The following ABR variants were observed in gnomAD, a reference collection of about 807,000 sequenced individuals.
ABR encodes the protein active breakpoint cluster region-related protein.
A neutral mutation model predicts 107.2 loss-of-function variants in ABR; 35 were observed. The observed-to-expected ratio is 0.33, with a 90% CI of 0.25 to 0.43. The LOEUF is 0.43. ABR is among the 20% of genes least tolerant of loss of function. The pLI is 1.00. For synonymous variants in ABR, 498 were observed against 462.0 expected (o/e 1.08, Z -1.00); for missense variants, 815 against 1,115.2 (o/e 0.73, Z 3.83).
At chr17:1,180,479 G>A (rs2042098610), upstream of ABR, among the ~76,000 whole-genome samples, 3 of 152,108 alleles carry the variant, frequency 2.0e-5, no homozygotes, top group Non-Finnish European at 2.9e-5. Context: ...ACCTCTGAGC[G>A]CGGCCGTTCC....
At chr17:1,059,486 GAGACACCTGCTTAA>G (rs1247788844) in intron 10 of ABR, among the ~76,000 whole-genome samples, 1 of 152,186 alleles carries the variant, frequency 6.6e-6, no homozygotes, top group African/African-American at 2.4e-5. Flanking sequence ...GGGTACAACA[GAGACACCTGCTTAA>G]AGAAACCTCA....
In ABR at chr17:1,010,466, A is replaced by C. The variant is rs2070435141; in HGVS notation, c.2236+263T>G. 2.0e-6 allele frequency: 1 copy of C among 493,400 alleles called. No homozygotes were observed. The highest frequency in any genetic ancestry group is 5.5e-4 in the Middle Eastern group (1 of 1,826). The allele number at this position is 493,400 out of a possible 1,614,324, so 30.6% of individuals were successfully genotyped here. On this transcript the variant is annotated intron_variant, in intron 20 of 22. Coordinates refer to ENST00000302538, the MANE Select transcript of ABR (RefSeq NM_021962.5). This position sits in a 1 kb window ranked among gnomAD's most constrained non-coding sequence, Gnocchi z 4.1. ...CTGGATGCTCGAGCTTCCAAGCAAG[A>C]GGCCAACGTCCAAATAGGAAGCAGA... is the stretch of plus-strand genomic sequence containing the variant.
chr17:1,012,134 C>CCACCG, intron 18 of ABR, 149 bp from the exon 19 acceptor site: 1 of 1,215,910 alleles, frequency 8.2e-7, no homozygotes, highest in East Asian at 2.5e-5. Context: ...GAGAAAGAGG[C>CCACCG]CACCGCACCC....
upstream of ABR, among the ~76,000 whole-genome samples, chr17:1,190,415 C>G (rs1381832795): frequency 1.3e-5 from 2 of 152,180 alleles, no homozygotes; most frequent in Non-Finnish European, 2.9e-5. Flanking sequence ...GGGTGGATCA[C>G]CTGAGGTCAG....
chr17:1,223,425 G>C (rs2043156100), intron 1 of ABR, among the ~76,000 whole-genome samples: 1 of 152,022 alleles, frequency 6.6e-6, no homozygotes, highest in African/African-American at 2.4e-5. Context: ...TCCTGAGAGG[G>C]AAGTACTAAT....
chr17:1,030,372 T>C (rs1297678549), intron 16 of ABR, among the ~76,000 whole-genome samples: 1 of 152,224 alleles, frequency 6.6e-6, no homozygotes, highest in Non-Finnish European at 1.5e-5. Flanking sequence ...TGGTGAGCTC[T>C]GGGCTGGTGC....
At chr17:1,095,686 A>G (rs2257670) in intron 3 of ABR, among the ~76,000 whole-genome samples, 116,982 of 151,806 alleles carry the variant, frequency 0.77, 45,090 homozygotes, top group South Asian at 0.84. Context: ...TGGCTCCCAT[A>G]CCAGCTGCTT....
chr17:1,016,013 C>G (rs760510332), intron 16 of ABR, among the ~76,000 whole-genome samples: 11 of 152,120 alleles, frequency 7.2e-5, no homozygotes, highest in South Asian at 2.1e-4. Context: ...AATGTAGGAC[C>G]ATGTCTCTAA....
At chr17:1,219,189 C>T (rs1309130703) in intron 1 of ABR, among the ~76,000 whole-genome samples, 1 of 152,010 alleles carries the variant, frequency 6.6e-6, no homozygotes, top group Non-Finnish European at 1.5e-5. Context: ...ATTACAGGTG[C>T]CTGCCACCAC....
rs749474399 is a variant in ABR, at chr17:1,050,513, G to A, written c.1659+24C>T. The A allele has an allele frequency of 3.7e-6, 6 of 1,606,012 alleles. No individual in the cohort carries two copies. In the African/African-American group the frequency reaches 5.4e-5, roughly 14 times the overall value. On this transcript the variant is annotated intron_variant, in intron 15 of 22. Coordinates refer to ENST00000302538, the MANE Select transcript of ABR (RefSeq NM_021962.5). The surrounding 1 kb of genome is among the most constrained non-coding windows in gnomAD (Gnocchi z 4.6). ...AGCACGGGGTGGTGGGGTCCCCACA[G>A]AGATGCCAGCCCCTGCCACTCACCT...
At chr17:1,132,403 G>T (rs2039886700) in intron 1 of ABR, among the ~76,000 whole-genome samples, 1 of 135,586 alleles carries the variant, frequency 7.4e-6, no homozygotes, top group Admixed American at 7.9e-5. Flanking sequence ...TTTTGAGATG[G>T]AGTCTCGCTC....
chr17:1,083,856 G>C (rs2036424101), intron 4 of ABR: 2 of 512,360 alleles, frequency 3.9e-6, no homozygotes, highest in South Asian at 4.2e-5. Flanking sequence ...GGGGGTCTGG[G>C]GTTGGGGAGA....
At chr17:1,159,719 A>G (rs994861349) in intron 1 of ABR, among the ~76,000 whole-genome samples, 7 of 150,262 alleles carry the variant, frequency 4.7e-5, no homozygotes, top group African/African-American at 1.5e-4. Flanking sequence ...CTCACGCACA[A>G]GGGAAGTATG....
chr17:1,111,955 C>G (rs1181941734), intron 2 of ABR, among the ~76,000 whole-genome samples: 2 of 152,256 alleles, frequency 1.3e-5, no homozygotes, highest in African/African-American at 4.8e-5. Flanking sequence ...AACAGCTTCC[C>G]CTTCCGGGTT....
rs141760587 is a variant in ABR at position 1,100,606 on chromosome 17, C to T, written c.345+31G>A. ...CATCACCCAACACGGGCGGGGGGAC[C>T]GGAAGGCCCCAGAGCAGGGACTGTA... On this transcript the variant is annotated intron_variant, in intron 3 of 22. Coordinates refer to ENST00000302538, the MANE Select transcript of ABR (RefSeq NM_021962.5). 1.2e-3 allele frequency: 1,916 copies of T among 1,601,690 alleles called. 11 individuals are homozygous for T. The African/African-American group carries it at 0.017, about 14-fold the overall frequency.
chr17:1,204,891 TTTTC>T lies in ABR; in HGVS notation c.838+23898_838+23901del, dbSNP rs1204081059. On this transcript the variant is annotated intron_variant, in intron 1 of 22. Transcript: ENST00000574139. Reference sequence around the variant, plus strand: ...CTCAGAACCTCTTTTTTTCTTTTCTTTTTCTTTTTCTTTTTTTTTTTTTTTTTTT... The same window carrying T: ...CTCAGAACCTCTTTTTTTCTTTTCTTTTTTTCTTTTTTTTTTTTTTTTTTT... Among the ~76,000 whole-genome samples the T allele has an allele frequency of 1.3e-3, 110 of 82,674 alleles. 1 individual carries two copies. Among genetic ancestry groups the T allele is most frequent in the African/African-American group, 4.2e-3 (102 of 24,334 alleles). The allele number at this position is 82,674 out of a possible 152,430, so 54.2% of individuals were successfully genotyped here.
Position 1,203,485 on chromosome 17 carries a change from G to A in ABR, c.838+25308C>T, listed in dbSNP as rs1480029504. The stretch of plus-strand genomic sequence containing the variant: ...GCGGGGACGGAGTCTGCGGGGGCGG[G>A]GCCCGCGGGGACGGAGTCTGCGGGG... On this transcript the variant is annotated intron_variant, in intron 1 of 22. Transcript: ENST00000574139. Among the ~76,000 whole-genome samples, 2 of 93,318 alleles carry A rather than the reference G, an allele frequency of 2.1e-5. 1 individual carries two copies. The highest frequency in any genetic ancestry group is 7.6e-5 in the African/African-American group (2 of 26,290). 61.2% of individuals were successfully genotyped at this position (93,318 alleles called of 152,430 possible).
chr17:1,133,362 G>A (rs1011609843), intron 1 of ABR, among the ~76,000 whole-genome samples: 10 of 151,988 alleles, frequency 6.6e-5, no homozygotes, highest in African/African-American at 2.4e-4. Flanking sequence ...TATGATACTA[G>A]TTATAAATGA....
chr17:1,216,834 G>A (rs1437221114), intron 1 of ABR, among the ~76,000 whole-genome samples: 2 of 152,146 alleles, frequency 1.3e-5, no homozygotes, highest in Non-Finnish European at 2.9e-5. Context: ...TAATTTCTGC[G>A]TGCTCACTGC....
Sources: allele counts gnomAD v4.1 joint callset (sites outside exome capture counted in the v4.1 genomes callset), GRCh38; gene constraint gnomAD v4.1.1; non-coding constraint Gnocchi (gnomAD v3.1); transcripts MANE v1.5; gene names NCBI Gene and HGNC (gene_info 2026-07-23, HGNC 2026-07-21).